The following TTYH3 variants were observed in gnomAD, a reference collection of about 807,000 sequenced individuals.
The protein encoded by TTYH3 is protein tweety homolog 3.
TTYH3 carries 23 observed loss-of-function variants against 68.2 expected under a neutral mutation model. The ratio of observed to expected loss-of-function variants is 0.34; its 90% CI spans 0.24 to 0.48. The LOEUF (loss-of-function observed/expected upper bound fraction) is 0.48. Ranked by LOEUF, TTYH3 falls within the 20% of genes least tolerant of loss-of-function variation. The pLI is 0.99. For synonymous variants in TTYH3, 360 were observed against 332.8 expected (o/e 1.08, Z -0.89); for missense variants, 768 against 727.7 (o/e 1.06, Z -0.64).
intron 5 of TTYH3, among the ~76,000 whole-genome samples, chr7:2,648,759 G>T (rs937035636): frequency 1.3e-4 from 20 of 152,004 alleles, no homozygotes; most frequent in South Asian, 4.1e-4. Flanking sequence ...AGGGTGGTGG[G>T]GGGGGGTGCA....
intron 1 of TTYH3, among the ~76,000 whole-genome samples, chr7:2,639,748 T>A (rs1450541924): frequency 6.6e-6 from 1 of 152,116 alleles, no homozygotes; most frequent in Admixed American, 6.5e-5. Context: ...TCTGGTGGGG[T>A]TCTGGCCCCT....
In TTYH3 at chr7:2,647,145, C is replaced by T. The variant is rs745796942; in HGVS notation, c.297C>T (p.Ala99=). 1.2e-6 allele frequency: 2 copies of T among 1,601,648 alleles called. No individual in the cohort carries two copies. The highest frequency in any genetic ancestry group is 1.7e-6 in the Non-Finnish European group (2 of 1,176,066). The change falls in exon 3 of 14, where the codon GCC becomes GCT. Residue 99 remains alanine (A), a synonymous_variant. Coordinates refer to ENST00000258796, the MANE Select transcript of TTYH3 (RefSeq NM_025250.3). ...CVIIATLVCS[A]GIAVGFYGNG... ...CTCACGGGCCCGCCCTCTCCAGCGC[C>T]GGCATCGCAGTGGGATTCTACGGCA...
intron 13 of TTYH3, among the ~76,000 whole-genome samples, chr7:2,661,199 G>A (rs1392361292): frequency 6.6e-6 from 1 of 152,234 alleles, no homozygotes; most frequent in Non-Finnish European, 1.5e-5. Flanking sequence ...GCATGCTGTG[G>A]CCTGGCTGTA....
At chr7:2,642,748 C>G (rs201593065) in intron 1 of TTYH3, among the ~76,000 whole-genome samples, 3 of 128,150 alleles carry the variant, frequency 2.3e-5, no homozygotes, top group African/African-American at 8.5e-5. Flanking sequence ...TTTTTCTTTT[C>G]TTTTTTTTTT....
chr7:2,656,546 TG>T lies in TTYH3; in HGVS notation c.1250+18del, dbSNP rs754059676. 11 of 1,596,356 alleles carry T rather than the reference TG, an allele frequency of 6.9e-6. 1 individual carries two copies. Among genetic ancestry groups the T allele is most frequent in the South Asian group, 3.4e-5 (3 of 89,262 alleles). Reference sequence around the variant, plus strand: ...TGGCAGCAAAAGAGGTGAGGGGCCCTGGGGGGTCGCAGGAGCTTGCCCCAGG... The same window carrying T: ...TGGCAGCAAAAGAGGTGAGGGGCCCTGGGGGTCGCAGGAGCTTGCCCCAGG... On this transcript the variant is annotated intron_variant, in intron 11 of 13. Transcript: ENST00000258796.
Position 2,663,625 on chromosome 7 carries a change from C to T in TTYH3, c.*1886C>T, listed in dbSNP as rs1254240411. ...CTGGGCTTGACCCGCCAGGGGAGTTCTCCAGGCCTAGGGCCAGGAGAGAGG... is the reference window on the plus strand; with the variant it reads ...CTGGGCTTGACCCGCCAGGGGAGTTTTCCAGGCCTAGGGCCAGGAGAGAGG... On this transcript the variant is annotated 3_prime_UTR_variant, in exon 14 of 14. Coordinates refer to ENST00000258796, the MANE Select transcript of TTYH3 (RefSeq NM_025250.3). 6.6e-6 allele frequency: 1 copy of T among 152,580 alleles called. No homozygotes were observed. The highest frequency in any genetic ancestry group is 1.5e-5 in the Non-Finnish European group (1 of 68,062). 9.5% of individuals were successfully genotyped at this position (152,580 alleles called of 1,614,324 possible).
At chr7:2,650,969 A>C (rs1274286185) in intron 7 of TTYH3, among the ~76,000 whole-genome samples, 1 of 151,072 alleles carries the variant, frequency 6.6e-6, no homozygotes, top group Non-Finnish European at 1.5e-5. Flanking sequence ...CCCTGGTTTC[A>C]GCAGCTCTGT....
intron 11 of TTYH3, 79 bp downstream of exon 11, chr7:2,656,613 G>T (rs1178058151): frequency 2.0e-6 from 3 of 1,515,418 alleles, no homozygotes; most frequent in Non-Finnish European, 2.6e-6. Context: ...TGCCTTTATG[G>T]ACACCCATGT....
At chr7:2,637,924 A>T (rs1171022847) in intron 1 of TTYH3, among the ~76,000 whole-genome samples, 1 of 152,004 alleles carries the variant, frequency 6.6e-6, no homozygotes, top group African/African-American at 2.4e-5. Context: ...GTGTGGGAGG[A>T]AGCCGGGCCA....
rs10575390 is a variant in TTYH3 at position 2,654,478 on chromosome 7, TAC to T, written c.1020+1482_1020+1483del. Among the ~76,000 whole-genome samples, 6 of 151,708 alleles carry T rather than the reference TAC, an allele frequency of 4.0e-5. No homozygotes were observed. The South Asian group carries it at 6.2e-4, about 16-fold the overall frequency. ...AAAAAAAAATTAAAAATAAAAATTA[TAC>T]ACACACACACACAATTGCTTTGATT... On this transcript the variant is annotated intron_variant, in intron 9 of 13. Coordinates refer to ENST00000258796, the MANE Select transcript of TTYH3 (RefSeq NM_025250.3).
chr7:2,645,076 T>G lies in TTYH3; in HGVS notation c.124-1777T>G, dbSNP rs1262563420. Among the ~76,000 whole-genome samples, 1 of 152,120 alleles carries G rather than the reference T, an allele frequency of 6.6e-6. No individual in the cohort carries two copies. The highest frequency in any genetic ancestry group is 1.9e-4 in the East Asian group (1 of 5,156). ...AGTGCCAATGAGGGCAGCGCAGGTG[T>G]GCCTGGTGGCCACCCCACAACACTG... On this transcript the variant is annotated intron_variant, in intron 1 of 13. Transcript: ENST00000258796. The surrounding 1 kb of genome is among the most constrained non-coding windows in gnomAD (Gnocchi z 4.8).
intron 5 of TTYH3, chr7:2,648,672 A>G (rs925889959): frequency 2.0e-5 from 3 of 152,658 alleles, no homozygotes; most frequent in African/African-American, 4.8e-5. Flanking sequence ...GAGGAGCAGA[A>G]TGAGGGAAAC....
In TTYH3 at chr7:2,652,208, C is replaced by A; in HGVS notation, c.893C>A (p.Ala298Asp). 6.2e-7 allele frequency: 1 copy of A among 1,613,180 alleles called. No individual in the cohort carries two copies. Among genetic ancestry groups the A allele is most frequent in the South Asian group, 1.1e-5 (1 of 91,082 alleles). ...GCAGACATCCTGCAGTACTACCTGG[C>A]CTGCTCGCCCCGCGCCGCCAACCCC... ...LSGDILQYYL[A>D]CSPRAANPFQ... The change falls in exon 8 of 14, where the codon GCC (alanine) becomes GAC (aspartate). Residue 298 changes from alanine (A) to aspartate (D), a missense_variant. Physicochemically the swap from Ala to Asp is moderately radical, Grantham distance 126 (BLOSUM62 -2). Transcript: ENST00000258796.
Position 2,645,068 on chromosome 7 carries a change from C to T in TTYH3, c.124-1785C>T, listed in dbSNP as rs1340875768. On this transcript the variant is annotated intron_variant, in intron 1 of 13. Coordinates refer to ENST00000258796, the MANE Select transcript of TTYH3 (RefSeq NM_025250.3). The surrounding 1 kb of genome is among the most constrained non-coding windows in gnomAD (Gnocchi z 4.8). Reference sequence around the variant, plus strand: ...TCTGCAGTAGTGCCAATGAGGGCAGCGCAGGTGTGCCTGGTGGCCACCCCA... The same window carrying T: ...TCTGCAGTAGTGCCAATGAGGGCAGTGCAGGTGTGCCTGGTGGCCACCCCA... Among the ~76,000 whole-genome samples the T allele has an allele frequency of 7.9e-5, 12 of 152,140 alleles. No individual in the cohort carries two copies. Among genetic ancestry groups the T allele is most frequent in the Non-Finnish European group, 1.6e-4 (11 of 68,026 alleles).
rs1356294421 is a variant in TTYH3, at chr7:2,650,197, C to T, written c.871+209C>T. On this transcript the variant is annotated intron_variant, in intron 7 of 13. Coordinates refer to ENST00000258796, the MANE Select transcript of TTYH3 (RefSeq NM_025250.3). ...GAATGACAGGAACTATGTGGGGTGG[C>T]GGGTGCCCGCGTGGCAGGGGGAGCG... 2.6e-5 allele frequency among the ~76,000 whole-genome samples: 4 copies of T among 152,184 alleles called. No individual in the cohort carries two copies. The highest frequency in any genetic ancestry group is 4.8e-5 in the African/African-American group (2 of 41,454).
chr7:2,659,976 G>A, intron 13 of TTYH3: 1 of 1,304,050 alleles, frequency 7.7e-7, no homozygotes. Context: ...CAGCCACGCG[G>A]GCTGGCAGTT....
intron 8 of TTYH3, among the ~76,000 whole-genome samples, chr7:2,652,458 C>A (rs928965165): frequency 1.3e-5 from 2 of 152,196 alleles, no homozygotes; most frequent in African/African-American, 4.8e-5. Context: ...TTCGGGGGGA[C>A]CTGCTCAATG....
At position 2,662,103 on chromosome 7, in the gene TTYH3, C is replaced by T; in HGVS notation, c.*364C>T. 1 of 457,142 alleles carries T rather than the reference C, an allele frequency of 2.2e-6. No individual in the cohort carries two copies. Among genetic ancestry groups the T allele is most frequent in the Non-Finnish European group, 4.0e-6 (1 of 248,184 alleles). 28.3% of individuals were successfully genotyped at this position (457,142 alleles called of 1,614,324 possible). ...CCTTCCCTCCACAGCTCTCCTTCCTCCCGCCCGGCACTTCTGTGGACCCCT... is the reference window on the plus strand; with the variant it reads ...CCTTCCCTCCACAGCTCTCCTTCCTTCCGCCCGGCACTTCTGTGGACCCCT... On this transcript the variant is annotated 3_prime_UTR_variant, in exon 14 of 14. Coordinates refer to ENST00000258796, the MANE Select transcript of TTYH3 (RefSeq NM_025250.3).
intron 1 of TTYH3, among the ~76,000 whole-genome samples, chr7:2,634,934 G>A (rs1279560974): frequency 6.6e-6 from 1 of 152,126 alleles, no homozygotes; most frequent in African/African-American, 2.4e-5. Context: ...CTGCCTTGCC[G>A]CTGGGGGTGT....
Sources: gnomAD v4.1 joint callset for allele counts (sites outside exome capture counted in the v4.1 genomes callset) on GRCh38, gnomAD v4.1.1 for gene constraint, Gnocchi (gnomAD v3.1) non-coding constraint, MANE v1.5 for transcripts, NCBI Gene and HGNC (gene_info 2026-07-23, HGNC 2026-07-21) for gene names.